Variants in TRIM75 observed in about 807,000 individuals in gnomAD.
TRIM75 encodes tripartite motif-containing protein 75.
chr4:165,055,628 C>T, the TRIM75 span, among the ~76,000 whole-genome samples: 4 of 152,158 alleles, frequency 2.6e-5, no homozygotes, highest in Middle Eastern at 3.4e-3. Context: ...TGAGTCTTGA[C>T]GCTGGAAGAT....
chr4:165,057,757 C>G, the TRIM75 span, among the ~76,000 whole-genome samples: 1 of 152,110 alleles, frequency 6.6e-6, no homozygotes, highest in Non-Finnish European at 1.5e-5. Context: ...TGGTCTCAAA[C>G]TCCTGAACTC....
chr4:165,059,927 T>C, the TRIM75 span: 1 of 779,740 alleles, frequency 1.3e-6, no homozygotes, highest in Non-Finnish European at 2.4e-6. Flanking sequence ...AATCTGAAAA[T>C]GAGAGTAGCC....
At chr4:165,057,148 T>C in the TRIM75 span, among the ~76,000 whole-genome samples, 1 of 152,218 alleles carries the variant, frequency 6.6e-6, no homozygotes, top group African/African-American at 2.4e-5. Context: ...TAATATAGTT[T>C]ATTCTGCCAA....
At chr4:165,057,201 C>T in the TRIM75 span, among the ~76,000 whole-genome samples, 3 of 152,026 alleles carry the variant, frequency 2.0e-5, no homozygotes, top group African/African-American at 7.2e-5. Context: ...TTTTGAAGTT[C>T]AAACTAGTAC....
the TRIM75 span, chr4:165,059,776 A>C: frequency 1.3e-6 from 1 of 780,928 alleles, no homozygotes; most frequent in Admixed American, 1.7e-5. Flanking sequence ...GAAGAAGAGA[A>C]GGACAATCAA....
At chr4:165,059,225 C>CT in the TRIM75 span, 31 of 780,132 alleles carry the variant, frequency 4.0e-5, no homozygotes, top group Non-Finnish European at 6.7e-5. Context: ...TGAGTGACCC[C>CT]GTCACCATCG....
the TRIM75 span, among the ~76,000 whole-genome samples, chr4:165,056,279 A>C: frequency 6.9e-6 from 1 of 145,518 alleles, no homozygotes; most frequent in Non-Finnish European, 1.5e-5. Flanking sequence ...ATTAAAAATA[A>C]ATAAGTTAAT....
At chr4:165,055,820 C>T in the TRIM75 span, among the ~76,000 whole-genome samples, 1 of 151,974 alleles carries the variant, frequency 6.6e-6, no homozygotes, top group Non-Finnish European at 1.5e-5. Context: ...TGGTGGTTCA[C>T]GCCTGTAATC....
the TRIM75 span, among the ~76,000 whole-genome samples, chr4:165,057,545 T>C: frequency 0.034 from 5,154 of 152,310 alleles, 141 homozygotes; most frequent in Middle Eastern, 0.088. Flanking sequence ...GTTTTTTGTT[T>C]GTGTGCTTTT....
At chr4:165,057,745 G>A in the TRIM75 span, among the ~76,000 whole-genome samples, 1 of 152,080 alleles carries the variant, frequency 6.6e-6, no homozygotes, top group Admixed American at 6.6e-5. Context: ...TGTTGGCCAG[G>A]CTGGTCTCAA....
At chr4:165,055,505 G>C in the TRIM75 span, among the ~76,000 whole-genome samples, 1 of 151,750 alleles carries the variant, frequency 6.6e-6, no homozygotes, top group Non-Finnish European at 1.5e-5. Context: ...GCTGGTCTCA[G>C]CTCCCGACCT....
At chr4:165,055,920 T>TC in the TRIM75 span, among the ~76,000 whole-genome samples, 2 of 88,728 alleles carry the variant, frequency 2.3e-5, no homozygotes, top group Non-Finnish European at 4.1e-5. Flanking sequence ...TGTCTCTCTC[T>TC]CCCTTTTTTT....
the TRIM75 span, chr4:165,060,461 C>G: frequency 1.3e-6 from 1 of 780,534 alleles, no homozygotes; most frequent in Non-Finnish European, 2.4e-6. Context: ...TCTGTACTTT[C>G]ACTGACACTT....
chr4:165,057,198 G>A, the TRIM75 span, among the ~76,000 whole-genome samples: 2 of 152,068 alleles, frequency 1.3e-5, no homozygotes, highest in African/African-American at 4.8e-5. Flanking sequence ...CTTTTTTGAA[G>A]TTCAAACTAG....
the TRIM75 span, among the ~76,000 whole-genome samples, chr4:165,054,125 C>T: frequency 2.0e-5 from 3 of 152,064 alleles, no homozygotes; most frequent in East Asian, 5.8e-4. Flanking sequence ...CGCAATCACG[C>T]TCTGTGACCC....
chr4:165,059,610 T>C, the TRIM75 span: 18 of 780,828 alleles, frequency 2.3e-5, 1 homozygote, highest in South Asian at 2.0e-4. Flanking sequence ...GAAAAAGCAA[T>C]TGGCAGACCT....
the TRIM75 span, among the ~76,000 whole-genome samples, chr4:165,055,867 G>A: frequency 2.6e-5 from 4 of 151,646 alleles, no homozygotes; most frequent in South Asian, 4.2e-4. Context: ...TGGATCACGT[G>A]AGCCCAAGAG....
chr4:165,054,557 G>A, the TRIM75 span, among the ~76,000 whole-genome samples: 1 of 151,986 alleles, frequency 6.6e-6, no homozygotes, highest in African/African-American at 2.4e-5. Context: ...GTGAGCCACC[G>A]TGCCTGGCCC....
At chr4:165,059,429 C>A in the TRIM75 span, 1 of 780,850 alleles carries the variant, frequency 1.3e-6, no homozygotes, top group South Asian at 1.3e-5. Context: ...AGGAAGAGAC[C>A]ACCTTGTGCG....
Sources: gnomAD v4.1 joint callset for allele counts (sites outside exome capture counted in the v4.1 genomes callset) on GRCh38, gnomAD v4.1.1 for gene constraint, MANE v1.5 for transcripts, NCBI Gene and HGNC (gene_info 2026-07-23, HGNC 2026-07-21) for gene names.